MYPN: variants seen among roughly 807,000 people sequenced by gnomAD.
The protein encoded by MYPN is sarcomeric protein myopalladin, 145 kDa (MYOP).
MYPN carries 63 observed loss-of-function variants against 129.4 expected under a neutral mutation model. The ratio of observed to expected loss-of-function variants is 0.49; its 90% CI spans 0.40 to 0.60. The LOEUF (loss-of-function observed/expected upper bound fraction) is 0.60, where lower values mean the gene tolerates loss of function less well. Among genes scored for constraint, MYPN ranks in the 20% least tolerant of loss-of-function variants. MYPN has a pLI of 0.00. For synonymous variants in MYPN, 629 were observed against 600.9 expected, an observed-to-expected ratio of 1.05 and a Z score of -0.68; for missense variants, 1,596 against 1,635.4, an observed-to-expected ratio of 0.98 and a Z score of 0.42.
chr10:68,200,373 T>C (rs2043689432), intron 17 of MYPN, among the ~76,000 whole-genome samples: 1 of 152,190 alleles, frequency 6.6e-6, no homozygotes, highest in Admixed American at 6.5e-5. Flanking sequence ...CAACAAGACA[T>C]TGTCATCTGG....
At chr10:68,178,175 T>G (rs891458340) in intron 12 of MYPN, among the ~76,000 whole-genome samples, 6 of 152,244 alleles carry the variant, frequency 3.9e-5, no homozygotes, top group Admixed American at 2.0e-4. Flanking sequence ...TCTTAGAACC[T>G]TTTGAAATGA....
At chr10:68,206,319 C>G (rs1338246124) in intron 18 of MYPN, among the ~76,000 whole-genome samples, 3 of 152,112 alleles carry the variant, frequency 2.0e-5, no homozygotes, top group African/African-American at 7.2e-5. Flanking sequence ...TCCTCCTAAA[C>G]CTCGTGAAGC....
chr10:68,186,067 T>A (rs542333415), intron 12 of MYPN, among the ~76,000 whole-genome samples: 16 of 152,344 alleles, frequency 1.1e-4, no homozygotes, highest in African/African-American at 3.4e-4. Flanking sequence ...AATATTCCTA[T>A]AATGTAGGAA....
chr10:68,123,684 A>G (rs1280288345), intron 2 of MYPN, among the ~76,000 whole-genome samples: 1 of 8,270 alleles, frequency 1.2e-4, no homozygotes, highest in African/African-American at 4.6e-4. Flanking sequence ...AGACTCCTTC[A>G]ATAAATAAAT....
chr10:68,122,091 A>AT lies in MYPN; in HGVS notation c.654dup (p.Thr219TyrfsTer4). On this transcript the variant is annotated frameshift_variant, in exon 2 of 20. Coordinates refer to ENST00000358913, the MANE Select transcript of MYPN (RefSeq NM_032578.4). LOFTEE classifies it high-confidence loss of function. Reference sequence around the variant, plus strand: ...TCTGTTCCCATCCCTATCCCTGCGGATACCAGGGATAATGAAGTGAATCAC... The same window carrying AT: ...TCTGTTCCCATCCCTATCCCTGCGGATTACCAGGGATAATGAAGTGAATCAC... The AT allele has an allele frequency of 6.2e-7, 1 of 1,614,202 alleles. No homozygotes were observed. The highest frequency in any genetic ancestry group is 8.5e-7 in the Non-Finnish European group (1 of 1,180,030).
chr10:68,156,873 T>C (rs1467632810), intron 6 of MYPN, among the ~76,000 whole-genome samples: 2 of 152,226 alleles, frequency 1.3e-5, no homozygotes, highest in East Asian at 3.8e-4. Context: ...ATTTGTTGCT[T>C]ACAGAGTTTG....
intron 13 of MYPN, among the ~76,000 whole-genome samples, chr10:68,192,606 GT>G (rs761023712): frequency 1.4e-3 from 219 of 152,206 alleles, no homozygotes; most frequent in Middle Eastern, 3.4e-3. Context: ...TTCTTTAAAT[GT>G]TTGGTAGAAT....
At chr10:68,201,792 A>G in intron 17 of MYPN, 37 bp from the exon 18 acceptor site, 1 of 1,608,606 alleles carries the variant, frequency 6.2e-7, no homozygotes, top group East Asian at 2.2e-5. Context: ...AAAAAAAAAA[A>G]AAGAAAGAAA....
chr10:68,122,827 G>A (rs888748139), intron 2 of MYPN, among the ~76,000 whole-genome samples: 1 of 152,006 alleles, frequency 6.6e-6, no homozygotes, highest in Admixed American at 6.6e-5. Context: ...GCTTGAACCC[G>A]GGAGACGGAG....
At chr10:68,108,130 C>T (rs2133955852), upstream of MYPN, among the ~76,000 whole-genome samples, 1 of 152,340 alleles carries the variant, frequency 6.6e-6, no homozygotes, top group Admixed American at 6.5e-5. Context: ...CTCTGGGTTA[C>T]TGTGGTAATG....
At chr10:68,141,563 G>GA (rs991599473) in intron 2 of MYPN, among the ~76,000 whole-genome samples, 5 of 152,050 alleles carry the variant, frequency 3.3e-5, no homozygotes, top group African/African-American at 1.2e-4. Flanking sequence ...TTCAAAAAAT[G>GA]AAAAAATGTA....
chr10:68,134,962 A>AT (rs201171821), intron 2 of MYPN, among the ~76,000 whole-genome samples: 1 of 151,294 alleles, frequency 6.6e-6, no homozygotes, highest in Admixed American at 6.6e-5. Context: ...TTATTTTATT[A>AT]TTTTTTTTGA....
chr10:68,161,805 C>T (rs755714400), intron 8 of MYPN, 53 bp downstream of exon 8: 8 of 1,315,338 alleles, frequency 6.1e-6, no homozygotes, highest in Middle Eastern at 2.0e-4. Flanking sequence ...TTTATATATA[C>T]AAGAATACAT....
At chr10:68,162,245 A>C (rs2042990440) in intron 8 of MYPN, 1 of 152,084 alleles carries the variant, frequency 6.6e-6, no homozygotes, top group Non-Finnish European at 1.5e-5. Flanking sequence ...GCATGTGCAA[A>C]TCTGGAATAT....
intron 2 of MYPN, among the ~76,000 whole-genome samples, chr10:68,139,716 A>G (rs2042544818): frequency 6.6e-6 from 1 of 152,222 alleles, no homozygotes; most frequent in South Asian, 2.1e-4. Flanking sequence ...AGGTTGCCAT[A>G]GAACTTGATG....
intron 18 of MYPN, among the ~76,000 whole-genome samples, chr10:68,205,264 T>C (rs772282351): frequency 6.6e-6 from 1 of 152,156 alleles, no homozygotes; most frequent in South Asian, 2.1e-4. Context: ...CCCCTCTGTC[T>C]TCCCCAGGCA....
intron 3 of MYPN, among the ~76,000 whole-genome samples, chr10:68,143,704 T>C (rs1167551152): frequency 6.6e-6 from 1 of 152,166 alleles, no homozygotes; most frequent in Non-Finnish European, 1.5e-5. Flanking sequence ...TTCTGGAGCA[T>C]TCTGAGCAAA....
Position 68,201,827 on chromosome 10 carries a change from A to G in MYPN, c.3494-2A>G, listed in dbSNP as rs1397401738. ...AAAAAGAATGACCCTTCTCTTGCTC[A>G]GCCAAAGAGGTGAAGAAAGCACCTG... On this transcript the variant is annotated splice_acceptor_variant, in intron 17 of 19. Coordinates refer to ENST00000358913, the MANE Select transcript of MYPN (RefSeq NM_032578.4). LOFTEE classifies it high-confidence loss of function. 1 of 1,613,442 alleles carries G rather than the reference A, an allele frequency of 6.2e-7. No homozygotes were observed. The highest frequency in any genetic ancestry group is 1.3e-5 in the African/African-American group (1 of 74,794).
chr10:68,121,805 C>T lies in MYPN; in HGVS notation c.367C>T (p.Arg123Ter), dbSNP rs2133994592. Reference sequence around the variant, plus strand: ...GCCTAACTTCTGCCAGGATAACCCTCGAAGTCCCACCAGCTCTAAAGAAAG... The same window carrying T: ...GCCTAACTTCTGCCAGGATAACCCTTGAAGTCCCACCAGCTCTAAAGAAAG... The part of the protein sequence containing the change: ...FEPNFCQDNP[R>*]SPTSSKESPQ... Residue 123 changes from arginine to a stop codon, truncating the protein, a stop_gained, in exon 2 of 20, where the codon CGA becomes TGA. Coordinates refer to ENST00000358913, the MANE Select transcript of MYPN (RefSeq NM_032578.4). LOFTEE classifies it high-confidence loss of function. 3.7e-6 allele frequency: 6 copies of T among 1,614,180 alleles called. No homozygotes were observed. Among genetic ancestry groups the T allele is most frequent in the African/African-American group, 1.3e-5 (1 of 75,040 alleles).
Sources: allele counts gnomAD v4.1 joint callset (sites outside exome capture counted in the v4.1 genomes callset), GRCh38; gene constraint gnomAD v4.1.1; transcripts MANE v1.5; gene names NCBI Gene and HGNC (gene_info 2026-07-23, HGNC 2026-07-21).